Variants in SLC25A40 observed in about 807,000 individuals in gnomAD.
SLC25A40 encodes the protein solute carrier family 25 member 40.
Under a neutral mutation model 46.5 loss-of-function variants are expected in SLC25A40, and 41 were observed. The ratio of observed to expected loss-of-function variants is 0.88; its 90% CI spans 0.69 to 1.14. SLC25A40 has a LOEUF of 1.14. SLC25A40 is among the 50% of genes most tolerant of loss of function. The pLI, the probability that SLC25A40 is intolerant of heterozygous loss-of-function variation, is 0.00. For synonymous variants in SLC25A40, 126 were observed against 127.5 expected, an observed-to-expected ratio of 0.99 and a Z score of 0.08; for missense variants, 386 against 393.6, an observed-to-expected ratio of 0.98 and a Z score of 0.16.
chr7:87,861,880 GAATA>G (rs1032348415), intron 1 of SLC25A40, among the ~76,000 whole-genome samples: 31 of 152,122 alleles, frequency 2.0e-4, no homozygotes, highest in African/African-American at 7.5e-4. Context: ...TAACTTTTTA[GAATA>G]GTTAATGAAA....
chr7:87,848,041 A>G, intron 6 of SLC25A40, 64 bp from the exon 7 acceptor site: 1 of 1,519,236 alleles, frequency 6.6e-7, no homozygotes, highest in Non-Finnish European at 8.8e-7. Flanking sequence ...TCTTAACTTA[A>G]ATTCAAATAT....
intron 9 of SLC25A40, 179 bp from the exon 10 acceptor site, chr7:87,841,893 T>C (rs927470413): frequency 5.8e-6 from 2 of 341,886 alleles, no homozygotes; most frequent in Non-Finnish European, 1.0e-5. Context: ...TATTTCTCAC[T>C]ATACTCAAAA....
At chr7:87,866,206 C>A (rs541465647) in intron 1 of SLC25A40, among the ~76,000 whole-genome samples, 2 of 152,090 alleles carry the variant, frequency 1.3e-5, no homozygotes, top group Non-Finnish European at 2.9e-5. Flanking sequence ...TTCCCTTTAG[C>A]GTTTCTTGTA....
At chr7:87,849,846 T>C in intron 6 of SLC25A40, 35 bp downstream of exon 6, 1 of 1,404,610 alleles carries the variant, frequency 7.1e-7, no homozygotes, top group Non-Finnish European at 9.8e-7. Context: ...ATAACAATCA[T>C]TATTTAGTAG....
chr7:87,836,438 A>G (rs1209096287), intron 11 of SLC25A40, 77 bp from the exon 12 acceptor site: 1 of 910,542 alleles, frequency 1.1e-6, no homozygotes, highest in African/African-American at 1.8e-5. Flanking sequence ...TTTTGGCTTT[A>G]TTCTGATAAT....
At chr7:87,848,364 C>T (rs767099830) in intron 6 of SLC25A40, among the ~76,000 whole-genome samples, 10 of 152,118 alleles carry the variant, frequency 6.6e-5, no homozygotes, top group Non-Finnish European at 1.5e-4. Context: ...CGTGCCACTG[C>T]ACTCCAGCCT....
intron 5 of SLC25A40, among the ~76,000 whole-genome samples, chr7:87,853,058 G>C (rs1030637860): frequency 2.0e-5 from 3 of 152,044 alleles, no homozygotes; most frequent in African/African-American, 7.2e-5. Flanking sequence ...AGACAAACTA[G>C]AAGTGGAAAA....
chr7:87,850,247 G>A (rs1324039645), intron 5 of SLC25A40, among the ~76,000 whole-genome samples: 1 of 152,138 alleles, frequency 6.6e-6, no homozygotes, highest in African/African-American at 2.4e-5. Context: ...AGGAAGTAGA[G>A]CAAAAGCAGA....
At chr7:87,866,579 T>A (rs558982965) in intron 1 of SLC25A40, among the ~76,000 whole-genome samples, 14 of 152,346 alleles carry the variant, frequency 9.2e-5, no homozygotes, top group Admixed American at 7.8e-4. Context: ...TGGGAAGCCA[T>A]GGGCGTCCTC....
chr7:87,835,340 T>C lies in SLC25A40; in HGVS notation c.*909A>G, dbSNP rs754048563. The stretch of plus-strand genomic sequence containing the variant: ...ATATTTTAGAAATATCTTGTAACTA[T>C]TGTTGTAGCAATAATCTGTCTTGTT... On this transcript the variant is annotated 3_prime_UTR_variant, in exon 12 of 12. Coordinates refer to ENST00000341119, the MANE Select transcript of SLC25A40 (RefSeq NM_018843.4). The C allele has an allele frequency of 6.6e-6, 1 of 151,676 alleles. No homozygotes were observed. The highest frequency in any genetic ancestry group is 2.4e-5 in the African/African-American group (1 of 41,398). The allele number at this position is 151,676 out of a possible 1,614,324, so 9.4% of individuals were successfully genotyped here.
intron 1 of SLC25A40, 150 bp from the exon 2 acceptor site, chr7:87,860,790 G>A (rs1339688472): frequency 6.6e-6 from 1 of 151,810 alleles, no homozygotes; most frequent in Non-Finnish European, 1.5e-5. Flanking sequence ...AATATAAAGA[G>A]CACTCCATAA....
chr7:87,862,253 A>C (rs73706942), intron 1 of SLC25A40, among the ~76,000 whole-genome samples: 2 of 152,128 alleles, frequency 1.3e-5, no homozygotes, highest in African/African-American at 4.8e-5. Context: ...CTCTAACAAA[A>C]TATCTCTTGG....
chr7:87,859,875 T>A (rs566012110), intron 2 of SLC25A40, among the ~76,000 whole-genome samples: 99 of 152,144 alleles, frequency 6.5e-4, no homozygotes, highest in African/African-American at 2.3e-3. Flanking sequence ...GGAAAGATAG[T>A]AAGATTGATG....
At chr7:87,841,887 T>A in intron 9 of SLC25A40, 173 bp from the exon 10 acceptor site, 1 of 348,072 alleles carries the variant, frequency 2.9e-6, no homozygotes. Flanking sequence ...GATATGTATT[T>A]CTCACTATAC....
chr7:87,858,847 TAAGACAACTAA>T, intron 2 of SLC25A40, 96 bp from the exon 3 acceptor site: 1 of 668,378 alleles, frequency 1.5e-6, no homozygotes, highest in Non-Finnish European at 2.6e-6. Flanking sequence ...ATCACATTAG[TAAGACAACTAA>T]GAGAGAATTA....
chr7:87,865,105 G>A (rs1173338656), intron 1 of SLC25A40, among the ~76,000 whole-genome samples: 1 of 151,436 alleles, frequency 6.6e-6, no homozygotes, highest in Admixed American at 6.6e-5. Context: ...GCCTCTTGCA[G>A]ACCTAGGACT....
intron 1 of SLC25A40, among the ~76,000 whole-genome samples, chr7:87,862,143 T>A (rs1838711659): frequency 6.6e-6 from 1 of 152,178 alleles, no homozygotes. Flanking sequence ...CTCCCTACAG[T>A]TTTACCAACC....
intron 10 of SLC25A40, chr7:87,837,195 T>A (rs1345258392): frequency 6.6e-6 from 1 of 150,898 alleles, no homozygotes; most frequent in Non-Finnish European, 1.5e-5. Flanking sequence ...GGAAGATCGA[T>A]CTCTTGAGCT....
intron 10 of SLC25A40, among the ~76,000 whole-genome samples, chr7:87,839,588 T>C (rs1352046541): frequency 6.6e-6 from 1 of 151,660 alleles, no homozygotes; most frequent in Non-Finnish European, 1.5e-5. Context: ...TAATAATATA[T>C]GACACACTCA....
Sources: gnomAD v4.1 joint callset for allele counts (sites outside exome capture counted in the v4.1 genomes callset) on GRCh38, gnomAD v4.1.1 for gene constraint, MANE v1.5 for transcripts, NCBI Gene and HGNC (gene_info 2026-07-23, HGNC 2026-07-21) for gene names.